Variants in ZNF385D observed in about 807,000 individuals in gnomAD.
The protein encoded by ZNF385D is zinc finger protein 385D.
A neutral mutation model predicts 35.8 loss-of-function variants in ZNF385D; 15 were observed. That is an observed-to-expected ratio of 0.42 (90% CI 0.28 to 0.64). The LOEUF (loss-of-function observed/expected upper bound fraction) is 0.64. Among genes scored for constraint, ZNF385D ranks in the 30% least tolerant of loss-of-function variants. The pLI, the probability that ZNF385D is intolerant of heterozygous loss-of-function variation, is 0.23. For synonymous variants in ZNF385D, 212 were observed against 186.8 expected (o/e 1.13, Z -1.10); for missense variants, 474 against 494.6 (o/e 0.96, Z 0.39).
At chr3:22,334,216 CTG>C (rs1264391808) in intron 2 of ZNF385D, among the ~76,000 whole-genome samples, 1 of 152,088 alleles carries the variant, frequency 6.6e-6, no homozygotes, top group Non-Finnish European at 1.5e-5. Flanking sequence ...TATTTGTTAT[CTG>C]TGTTACTTTT....
At chr3:22,096,033 G>C (rs1164057141) in intron 3 of ZNF385D, among the ~76,000 whole-genome samples, 3 of 151,910 alleles carry the variant, frequency 2.0e-5, no homozygotes, top group African/African-American at 7.3e-5. Context: ...TGAAAATAAA[G>C]AATTTGAAGG....
At chr3:21,795,857 C>A (rs188406116) in intron 3 of ZNF385D, among the ~76,000 whole-genome samples, 1 of 152,270 alleles carries the variant, frequency 6.6e-6, no homozygotes, top group Non-Finnish European at 1.5e-5. Flanking sequence ...CAATGGCAAA[C>A]AGAAAATATG....
chr3:21,874,151 A>G (rs1697840370), intron 3 of ZNF385D, among the ~76,000 whole-genome samples: 1 of 151,992 alleles, frequency 6.6e-6, no homozygotes, highest in African/African-American at 2.4e-5. Context: ...TCTTGCTATC[A>G]CTTCTTCCTT....
intron 3 of ZNF385D, among the ~76,000 whole-genome samples, chr3:21,800,921 T>C (rs186170216): frequency 5.8e-4 from 89 of 152,298 alleles, no homozygotes; most frequent in African/African-American, 1.4e-3. Context: ...TTTTTGTTCC[T>C]GATTTTAGGA....
chr3:22,189,253 G>C (rs1051082049), intron 2 of ZNF385D, among the ~76,000 whole-genome samples: 5 of 152,222 alleles, frequency 3.3e-5, no homozygotes, highest in South Asian at 2.1e-4. Context: ...GGCATAAACT[G>C]CAAGTGATGG....
Position 21,725,523 on chromosome 3 carries a change from T to C in ZNF385D, c.22+25372A>G, listed in dbSNP as rs557170429. Among the ~76,000 whole-genome samples, 44 of 152,060 alleles carry C rather than the reference T, an allele frequency of 2.9e-4. No homozygotes were observed. In the South Asian group the frequency reaches 8.9e-3, roughly 31 times the overall value. The stretch of plus-strand genomic sequence containing the variant: ...GATATCACAACTGATCCCAAAGAAA[T>C]ACAAACTACCATCAGAGAACAGTAT... On this transcript the variant is annotated intron_variant, in intron 1 of 7. Transcript: ENST00000281523.
chr3:22,032,851 G>A (rs1173252950), intron 3 of ZNF385D, among the ~76,000 whole-genome samples: 3 of 152,102 alleles, frequency 2.0e-5, no homozygotes, highest in Admixed American at 1.3e-4. Context: ...AATTACCCCT[G>A]AGCTAGCGTT....
intron 2 of ZNF385D, among the ~76,000 whole-genome samples, chr3:22,270,956 T>C (rs1466833519): frequency 2.6e-5 from 4 of 151,980 alleles, no homozygotes; most frequent in South Asian, 2.1e-4. Context: ...AGTGTATCTT[T>C]TGCTGCTTCT....
At chr3:22,072,600 ATAT>A (rs950137919) in intron 3 of ZNF385D, among the ~76,000 whole-genome samples, 3 of 152,122 alleles carry the variant, frequency 2.0e-5, no homozygotes, top group East Asian at 3.9e-4. Context: ...GTATATTGTT[ATAT>A]TACCTAATCA....
intron 1 of ZNF385D, among the ~76,000 whole-genome samples, chr3:21,692,009 C>T (rs2067302362): frequency 6.6e-6 from 1 of 152,150 alleles, no homozygotes; most frequent in Non-Finnish European, 1.5e-5. Flanking sequence ...CCTTACTCCA[C>T]TTAGCATAAT....
intron 3 of ZNF385D, among the ~76,000 whole-genome samples, chr3:21,560,335 G>A (rs1490643425): frequency 1.3e-5 from 2 of 152,160 alleles, no homozygotes; most frequent in Non-Finnish European, 2.9e-5. Context: ...ACCTTCGGAT[G>A]GGGTCTGTCA....
chr3:22,015,000 T>C (rs1696797164), intron 3 of ZNF385D, among the ~76,000 whole-genome samples: 1 of 151,340 alleles, frequency 6.6e-6, no homozygotes, highest in East Asian at 1.9e-4. Context: ...ATACATGTCT[T>C]TGTTGTTTGA....
At chr3:22,225,555 T>G (rs1698505364) in intron 2 of ZNF385D, among the ~76,000 whole-genome samples, 1 of 152,164 alleles carries the variant, frequency 6.6e-6, no homozygotes, top group African/African-American at 2.4e-5. Context: ...CACTGAAGTA[T>G]GTATTCTACA....
chr3:21,705,407 T>C (rs201241433), intron 1 of ZNF385D, among the ~76,000 whole-genome samples: 42 of 152,340 alleles, frequency 2.8e-4, no homozygotes, highest in African/African-American at 7.7e-4. Context: ...TGTTTTCTTA[T>C]AGAAGTCCCA....
At position 21,416,015 on chromosome 3, in the gene ZNF385D, C is replaced by CTTTTT. The variant is rs1199662864; in HGVS notation, c.*5194_*5198dup. 3 of 29,446 alleles carry CTTTTT rather than the reference C, an allele frequency of 1.0e-4. 1 individual carries two copies. Among genetic ancestry groups the CTTTTT allele is most frequent in the East Asian group, 0.021 (2 of 96 alleles). The allele number at this position is 29,446 out of a possible 1,614,324, so 1.8% of individuals were successfully genotyped here. A position where few individuals can be genotyped will look rare whatever the true frequency, so the allele number is the denominator to read the frequency against. The stretch of plus-strand genomic sequence containing the variant: ...GACTCTTCATGACCTGCATGAACTT[C>CTTTTT]TTTTTTTTTTTTTTTTTTTTTTTTT... On this transcript the variant is annotated 3_prime_UTR_variant, in exon 8 of 8. Transcript: ENST00000281523.
chr3:21,974,822 C>A (rs1428232551), intron 3 of ZNF385D, among the ~76,000 whole-genome samples: 1 of 152,090 alleles, frequency 6.6e-6, no homozygotes, highest in East Asian at 1.9e-4. Context: ...AAAGTGTGCA[C>A]AACATCACTG....
intron 2 of ZNF385D, among the ~76,000 whole-genome samples, chr3:22,342,185 G>A (rs1695453915): frequency 1.4e-5 from 2 of 147,008 alleles, no homozygotes; most frequent in African/African-American, 2.6e-5. Context: ...ACTGAGGCAG[G>A]AGAATGGCGT....
At position 21,473,682 on chromosome 3, in the gene ZNF385D, T is replaced by C. The variant is rs564120210; in HGVS notation, c.440-36479A>G. ...CTGAGTGACATATTTATCTTCAGTT[T>C]CTCTAATATGCTAATTTTTTCTTGT... On this transcript the variant is annotated intron_variant, in intron 4 of 7. Transcript: ENST00000281523. Among the ~76,000 whole-genome samples the C allele has an allele frequency of 1.6e-4, 24 of 152,222 alleles. 2 individuals are homozygous for C. The South Asian group carries it at 4.8e-3, about 30-fold the overall frequency.
intron 3 of ZNF385D, among the ~76,000 whole-genome samples, chr3:22,070,465 G>T (rs145188326): frequency 6.6e-6 from 1 of 152,100 alleles, no homozygotes; most frequent in African/African-American, 2.4e-5. Flanking sequence ...TATTTTATAA[G>T]AGAGAGTTGA....
Sources: allele counts gnomAD v4.1 joint callset (sites outside exome capture counted in the v4.1 genomes callset), GRCh38; gene constraint gnomAD v4.1.1; transcripts MANE v1.5; gene names NCBI Gene and HGNC (gene_info 2026-07-23, HGNC 2026-07-21).